The following DGKH variants were observed in gnomAD, a reference collection of about 807,000 sequenced individuals.
DGKH encodes the protein diacylglycerol kinase eta.
A neutral mutation model predicts 159.3 loss-of-function variants in DGKH; 90 were observed. That is an observed-to-expected ratio of 0.57 (90% CI 0.48 to 0.67). The LOEUF (loss-of-function observed/expected upper bound fraction) is 0.67. Among genes scored for constraint, DGKH ranks in the 30% least tolerant of loss-of-function variants. The pLI is 0.00. For synonymous variants in DGKH, 536 were observed against 553.8 expected, an observed-to-expected ratio of 0.97 and a Z score of 0.45; for missense variants, 1,181 against 1,506.1, an observed-to-expected ratio of 0.78 and a Z score of 3.57.
intron 3 of DGKH, chr13:42,140,274 A>G (rs1342404823): frequency 6.6e-6 from 1 of 152,292 alleles, no homozygotes; most frequent in African/African-American, 2.4e-5. Flanking sequence ...TGTATCATGG[A>G]GGACTGACCT....
chr13:42,221,974 AT>A (rs1166592145), intron 29 of DGKH, among the ~76,000 whole-genome samples: 5 of 152,166 alleles, frequency 3.3e-5, no homozygotes, highest in South Asian at 2.1e-4. Flanking sequence ...CTCAAAAAGA[AT>A]TTTTTTTCTT....
At chr13:42,089,849 T>C (rs1389110802) in intron 1 of DGKH, among the ~76,000 whole-genome samples, 1 of 152,180 alleles carries the variant, frequency 6.6e-6, no homozygotes, top group Non-Finnish European at 1.5e-5. Context: ...CATGGTCTCT[T>C]TGTGGAGGGA....
chr13:42,250,804 A>G lies in DGKH; in HGVS notation n.4055-1605A>G, dbSNP rs541362657. 2.6e-5 allele frequency among the ~76,000 whole-genome samples: 4 copies of G among 152,370 alleles called. No individual in the cohort carries two copies. The South Asian group carries it at 8.3e-4, about 32-fold the overall frequency. On this transcript the variant is annotated intron_variant and non_coding_transcript_variant, in intron 29 of 30. Coordinates refer to the DGKH transcript ENST00000498255. The stretch of plus-strand genomic sequence containing the variant: ...GTTCAGCCTAAAGGCATAAATGTCT[A>G]GAAGCTCATTACTGCATGATAACAA...
At chr13:42,102,419 A>G (rs1035900049) in intron 1 of DGKH, among the ~76,000 whole-genome samples, 1 of 152,238 alleles carries the variant, frequency 6.6e-6, no homozygotes, top group Non-Finnish European at 1.5e-5. Context: ...CCTTCCTGCC[A>G]ATGGACAATG....
At chr13:42,091,120 A>G (rs964200522) in intron 1 of DGKH, among the ~76,000 whole-genome samples, 8 of 152,226 alleles carry the variant, frequency 5.3e-5, no homozygotes, top group Admixed American at 5.2e-4. Context: ...TAAGACATTT[A>G]CATTACATTA....
rs143885707 is a variant in DGKH, at chr13:42,221,716, C to T, written c.3573+322C>T. 3.0e-4 allele frequency among the ~76,000 whole-genome samples: 45 copies of T among 152,240 alleles called. No homozygotes were observed. The East Asian group carries it at 8.1e-3, about 27-fold the overall frequency. On this transcript the variant is annotated intron_variant, in intron 29 of 29. Coordinates refer to ENST00000337343, the MANE Select transcript of DGKH (RefSeq NM_178009.5). Reference sequence around the variant, plus strand: ...CCATCAGCTCATTTTATTGCATCAGCATGGAAGGTGATAATTTGGCTGAAA... The same window carrying T: ...CCATCAGCTCATTTTATTGCATCAGTATGGAAGGTGATAATTTGGCTGAAA...
chr13:42,128,445 T>C (rs1383776380), intron 2 of DGKH, among the ~76,000 whole-genome samples: 3 of 152,212 alleles, frequency 2.0e-5, no homozygotes, highest in Non-Finnish European at 4.4e-5. Context: ...TACAAGTCAT[T>C]ATGTTCAAAA....
intron 7 of DGKH, among the ~76,000 whole-genome samples, chr13:42,162,857 T>G (rs1270330618): frequency 6.8e-6 from 1 of 146,742 alleles, no homozygotes; most frequent in African/African-American, 2.4e-5. Flanking sequence ...TTTGCGTATG[T>G]CTTTTTTTTT....
At chr13:42,079,698 G>C (rs574808074) in intron 1 of DGKH, among the ~76,000 whole-genome samples, 1 of 152,104 alleles carries the variant, frequency 6.6e-6, no homozygotes, top group Non-Finnish European at 1.5e-5. Context: ...AACTTTGTAT[G>C]ATCATGTCGA....
At chr13:42,063,044 T>G (rs1025014484) in intron 1 of DGKH, among the ~76,000 whole-genome samples, 13 of 152,228 alleles carry the variant, frequency 8.5e-5, no homozygotes, top group African/African-American at 2.9e-4. Flanking sequence ...CTTTGGAGCT[T>G]TATGAGTGCA....
intron 1 of DGKH, among the ~76,000 whole-genome samples, chr13:42,083,519 G>A (rs780531237): frequency 2.0e-5 from 3 of 152,224 alleles, no homozygotes; most frequent in Admixed American, 6.5e-5. Context: ...AAGTTCTGGC[G>A]GGGTTCCTGG....
rs888089370 is a variant in DGKH, at chr13:42,069,010, G to A, written c.192+20045G>A. 7.5e-6 allele frequency: 11 copies of A among 1,467,956 alleles called. No homozygotes were observed. In the African/African-American group the frequency reaches 1.4e-4, roughly 19 times the overall value. 90.9% of individuals were successfully genotyped at this position (1,467,956 alleles called of 1,614,324 possible). ...AGATTTCATAGCAGAAGCTGTTAAT[G>A]TGGCCTGTATTGACTTAAGTGGTGA... is the stretch of plus-strand genomic sequence containing the variant. On this transcript the variant is annotated intron_variant, in intron 1 of 29. Coordinates refer to ENST00000337343, the MANE Select transcript of DGKH (RefSeq NM_178009.5).
intron 5 of DGKH, among the ~76,000 whole-genome samples, chr13:42,158,390 T>G (rs1566141346): frequency 6.6e-6 from 1 of 152,226 alleles, no homozygotes; most frequent in African/African-American, 2.4e-5. Flanking sequence ...GCTGACCTAA[T>G]ATCAGTATCC....
rs191841160 is a variant in DGKH, at chr13:42,226,771, C to T, written c.3574-2328C>T. Among the ~76,000 whole-genome samples, 910 of 151,318 alleles carry T rather than the reference C, an allele frequency of 6.0e-3. 4 individuals carry two copies. The highest frequency in any genetic ancestry group is 8.5e-3 in the Non-Finnish European group (576 of 67,914). ...ACTTGAGAGGCTGAGGCAGGAGAAT[C>T]GTTTGAACCTGGGAAGCAGAGGTTG... On this transcript the variant is annotated intron_variant, in intron 29 of 29. Coordinates refer to ENST00000337343, the MANE Select transcript of DGKH (RefSeq NM_178009.5).
Position 42,112,284 on chromosome 13 carries a change from C to CA in DGKH, c.193-15179_193-15178insA, listed in dbSNP as rs374132029. On this transcript the variant is annotated intron_variant, in intron 1 of 29. Transcript: ENST00000337343. ...CAATGCATACCATCTAGCCTTGTGG[C>CA]TTTTTTTTTTTTTTTTTGACTTAGT... 1.8e-3 allele frequency among the ~76,000 whole-genome samples: 226 copies of CA among 122,822 alleles called. 3 individuals carry two copies. The highest frequency in any genetic ancestry group is 3.0e-3 in the Admixed American group (36 of 11,880). 80.6% of individuals were successfully genotyped at this position (122,822 alleles called of 152,430 possible). A position where few individuals can be genotyped will look rare whatever the true frequency, so the allele number is the denominator to read the frequency against.
intron 1 of DGKH, among the ~76,000 whole-genome samples, chr13:42,126,244 A>T (rs573911380): frequency 2.0e-5 from 3 of 152,234 alleles, no homozygotes; most frequent in African/African-American, 7.2e-5. Flanking sequence ...ATGTGTCAGA[A>T]GATGGAAAGT....
chr13:42,134,163 G>A (rs1955350583), intron 3 of DGKH, among the ~76,000 whole-genome samples: 1 of 152,194 alleles, frequency 6.6e-6, no homozygotes. Flanking sequence ...CTGGTAAAAT[G>A]GGTTCTAGAG....
chr13:42,246,376 G>A (rs111948195), downstream of DGKH, among the ~76,000 whole-genome samples: 229 of 152,118 alleles, frequency 1.5e-3, no homozygotes, highest in African/African-American at 5.3e-3. Flanking sequence ...TTGAGCCCAG[G>A]AGTAGTTTGA....
chr13:42,198,658 T>C (rs1957269942), intron 18 of DGKH, 63 bp downstream of exon 18: 3 of 1,304,182 alleles, frequency 2.3e-6, no homozygotes, highest in East Asian at 2.3e-5. Flanking sequence ...TTTTTCAACA[T>C]GAACTGTAAC....
Sources: gnomAD v4.1 joint callset for allele counts (sites outside exome capture counted in the v4.1 genomes callset) on GRCh38, gnomAD v4.1.1 for gene constraint, MANE v1.5 for transcripts, NCBI Gene and HGNC (gene_info 2026-07-23, HGNC 2026-07-21) for gene names.